The following DCC variants were observed in gnomAD, a reference collection of about 807,000 sequenced individuals.
DCC encodes the protein DCC netrin 1 receptor, also known as netrin receptor DCC.
A neutral mutation model predicts 172.5 loss-of-function variants in DCC; 58 were observed. The observed-to-expected ratio is 0.34, with a 90% CI of 0.27 to 0.42. The LOEUF is 0.42. Among genes scored for constraint, DCC ranks in the 10% least tolerant of loss-of-function variants. The probability of loss-of-function intolerance (pLI) is 1.00; values close to 1 mark genes in which losing one functional copy is unlikely to be tolerated. For synonymous variants in DCC, 709 were observed against 644.5 expected (o/e 1.10, Z -1.52); for missense variants, 1,740 against 1,791.0 (o/e 0.97, Z 0.51).
chr18:52,965,492 C>T (rs769017684), intron 5 of DCC, among the ~76,000 whole-genome samples: 3 of 152,084 alleles, frequency 2.0e-5, no homozygotes. Context: ...ATGCTATTGC[C>T]ATGCACCTTA....
intron 5 of DCC, among the ~76,000 whole-genome samples, chr18:52,942,351 CCCATT>C (rs774315592): frequency 2.0e-5 from 3 of 152,002 alleles, no homozygotes; most frequent in East Asian, 3.9e-4. Flanking sequence ...CTTTAAATAT[CCCATT>C]TTATTTCCAA....
intron 2 of DCC, among the ~76,000 whole-genome samples, chr18:52,804,135 A>AT (rs1041664436): frequency 2.2e-4 from 33 of 152,158 alleles, no homozygotes; most frequent in African/African-American, 8.0e-4. Flanking sequence ...TACCTCCAAT[A>AT]TTTTTTAAAT....
chr18:52,538,647 C>T (rs2032351990), intron 1 of DCC, among the ~76,000 whole-genome samples: 1 of 152,190 alleles, frequency 6.6e-6, no homozygotes, highest in African/African-American at 2.4e-5. Context: ...TTCCTATCTC[C>T]AGTAGCCCTT....
At chr18:53,182,053 C>A (rs114293379) in intron 9 of DCC, among the ~76,000 whole-genome samples, 3,185 of 152,318 alleles carry the variant, frequency 0.021, 114 homozygotes, top group African/African-American at 0.072. Context: ...TTGTGCAGAG[C>A]ACCTCACTGG....
At chr18:52,989,490 T>C (rs894954155) in intron 5 of DCC, among the ~76,000 whole-genome samples, 6 of 152,168 alleles carry the variant, frequency 3.9e-5, no homozygotes, top group African/African-American at 1.4e-4. Context: ...ACCATGGCAC[T>C]ACAGCCTGGG....
intron 12 of DCC, among the ~76,000 whole-genome samples, chr18:53,251,552 C>T (rs1460489432): frequency 6.6e-6 from 1 of 151,888 alleles, no homozygotes; most frequent in Non-Finnish European, 1.5e-5. Flanking sequence ...ATGGAGTCTT[C>T]TTACATTTAT....
chr18:53,299,821 T>C (rs1052635933), intron 12 of DCC, among the ~76,000 whole-genome samples: 2 of 152,192 alleles, frequency 1.3e-5, no homozygotes, highest in African/African-American at 4.8e-5. Context: ...ATTCTGCCTA[T>C]TGTTGGATAC....
intron 1 of DCC, among the ~76,000 whole-genome samples, chr18:52,654,822 A>C (rs1460191): frequency 0.73 from 110,245 of 151,960 alleles, 41,175 homozygotes; most frequent in Non-Finnish European, 0.82. Flanking sequence ...CAAGCTTGAA[A>C]TCCAGGCATG....
intron 2 of DCC, among the ~76,000 whole-genome samples, chr18:52,773,423 T>C (rs1027980295): frequency 2.6e-5 from 4 of 152,234 alleles, no homozygotes; most frequent in African/African-American, 9.6e-5. Context: ...TCTTTATTAG[T>C]TTCCCCAACA....
intron 9 of DCC, among the ~76,000 whole-genome samples, chr18:53,191,117 C>A (rs2055360929): frequency 6.6e-6 from 1 of 152,038 alleles, no homozygotes; most frequent in African/African-American, 2.4e-5. Flanking sequence ...GATTCAAAGC[C>A]CTCTCCTATG....
intron 5 of DCC, among the ~76,000 whole-genome samples, chr18:52,974,685 C>A (rs2145592745): frequency 6.6e-6 from 1 of 152,300 alleles, no homozygotes; most frequent in South Asian, 2.1e-4. Context: ...GTTACCCTGT[C>A]ATTTTCCACT....
At chr18:53,378,959 G>A (rs1447729132) in intron 15 of DCC, among the ~76,000 whole-genome samples, 3 of 152,242 alleles carry the variant, frequency 2.0e-5, no homozygotes, top group Non-Finnish European at 2.9e-5. Context: ...TATATGTAAT[G>A]AAGTAGAATT....
intron 9 of DCC, among the ~76,000 whole-genome samples, chr18:53,197,836 T>C (rs867413759): frequency 1.3e-5 from 2 of 152,208 alleles, no homozygotes; most frequent in African/African-American, 4.8e-5. Flanking sequence ...GTTTAGATAG[T>C]TGAATGAAAA....
chr18:53,241,711 A>G (rs970029049), intron 12 of DCC, among the ~76,000 whole-genome samples: 2 of 152,196 alleles, frequency 1.3e-5, no homozygotes, highest in Admixed American at 6.5e-5. Context: ...ATGGCCAGCC[A>G]GGGCGAATGA....
chr18:53,371,927 A>T (rs1466563634), intron 15 of DCC, among the ~76,000 whole-genome samples: 1 of 152,114 alleles, frequency 6.6e-6, no homozygotes, highest in Non-Finnish European at 1.5e-5. Context: ...GTCACACACC[A>T]GTCAGAATGG....
At chr18:52,589,900 A>G (rs1284279742) in intron 1 of DCC, among the ~76,000 whole-genome samples, 1 of 152,224 alleles carries the variant, frequency 6.6e-6, no homozygotes, top group African/African-American at 2.4e-5. Flanking sequence ...AAAGGCTTAT[A>G]AGGAGGAAAG....
Position 52,584,482 on chromosome 18 carries a change from T to C in DCC, c.92-167572T>C, listed in dbSNP as rs555601477. On this transcript the variant is annotated intron_variant, in intron 1 of 28. Coordinates refer to ENST00000442544, the MANE Select transcript of DCC (RefSeq NM_005215.4). ...TGAAGCAAAGCCAACTGGCTGTTAG[T>C]TTGCAGGGACTCTCAGTAAGCTCTT... Among the ~76,000 whole-genome samples the C allele has an allele frequency of 2.6e-5, 4 of 152,266 alleles. No individual in the cohort carries two copies. The South Asian group carries it at 8.3e-4, about 32-fold the overall frequency.
At chr18:53,009,918 C>A (rs1489517013) in intron 5 of DCC, among the ~76,000 whole-genome samples, 4 of 151,856 alleles carry the variant, frequency 2.6e-5, no homozygotes, top group African/African-American at 9.7e-5. Flanking sequence ...TTGTTGAATA[C>A]CCAGAGTGAT....
intron 1 of DCC, among the ~76,000 whole-genome samples, chr18:52,427,605 C>T (rs1009989241): frequency 6.6e-6 from 1 of 151,842 alleles, no homozygotes; most frequent in African/African-American, 2.4e-5. Flanking sequence ...TAGGATGATT[C>T]CTCTTGTAAG....
Sources: allele counts gnomAD v4.1 joint callset (sites outside exome capture counted in the v4.1 genomes callset), GRCh38; gene constraint gnomAD v4.1.1; transcripts MANE v1.5; gene names NCBI Gene and HGNC (gene_info 2026-07-23, HGNC 2026-07-21).